The following WDR25 variants were observed in gnomAD, a reference collection of about 807,000 sequenced individuals.
WDR25 encodes the protein WD repeat domain 25, also known as WD repeat-containing protein 25.
A neutral mutation model predicts 47.7 loss-of-function variants in WDR25; 35 were observed. The observed-to-expected ratio is 0.73, with a 90% confidence interval of 0.56 to 0.97. The LOEUF (loss-of-function observed/expected upper bound fraction) is 0.97. Ranked by LOEUF, WDR25 falls within the 50% of genes least tolerant of loss-of-function variation. WDR25 has a pLI of 0.00. For missense variants in WDR25, 634 were observed against 704.7 expected (o/e 0.90, Z 1.14); for synonymous variants, 248 against 278.9 (o/e 0.89, Z 1.10).
chr14:100,468,003 G>A lies in WDR25; in HGVS notation c.823-18G>A. 2 of 1,611,962 alleles carry A rather than the reference G, an allele frequency of 1.2e-6. No individual in the cohort carries two copies. Among genetic ancestry groups the A allele is most frequent in the South Asian group, 1.1e-5 (1 of 91,022 alleles). ...GGCCCTTGTTGTGACACCTGGTGCT[G>A]TCTGTGTTTGCCTGCAGGTATGGAA... On this transcript the variant is annotated intron_variant, in intron 2 of 6. Transcript: ENST00000402312. This position sits in a 1 kb window ranked among gnomAD's most constrained non-coding sequence, Gnocchi z 4.5.
At chr14:100,485,424 C>T (rs1158795886) in intron 4 of WDR25, among the ~76,000 whole-genome samples, 1 of 152,186 alleles carries the variant, frequency 6.6e-6, no homozygotes, top group Non-Finnish European at 1.5e-5. Context: ...AAAACAGTGC[C>T]TGGCACATAG....
At position 100,508,832 on chromosome 14, in the gene WDR25, T is replaced by A. The variant is rs535851153; in HGVS notation, c.1102-17038T>A. Among the ~76,000 whole-genome samples, 5 of 152,288 alleles carry A rather than the reference T, an allele frequency of 3.3e-5. No homozygotes were observed. The South Asian group carries it at 1.0e-3, about 32-fold the overall frequency. On this transcript the variant is annotated intron_variant, in intron 4 of 6. Transcript: ENST00000402312. ...TAAAAATCATATATTGGTGTTGAAT[T>A]TTGTCAAAAATGATTTTACTACATC...
chr14:100,474,295 T>C (rs888260287), intron 3 of WDR25, among the ~76,000 whole-genome samples: 2 of 152,228 alleles, frequency 1.3e-5, no homozygotes, highest in Non-Finnish European at 2.9e-5. Flanking sequence ...TCAAATGTTA[T>C]TAAACTTCAT....
chr14:100,409,721 T>G (rs1897651448), intron 2 of WDR25, among the ~76,000 whole-genome samples: 1 of 152,256 alleles, frequency 6.6e-6, no homozygotes, highest in Non-Finnish European at 1.5e-5. Flanking sequence ...ATAGCAAACC[T>G]GCACTTGGCC....
rs567688152 is a variant in WDR25 at position 100,502,978 on chromosome 14, G to A, written c.1101+18854G>A. Among the ~76,000 whole-genome samples the A allele has an allele frequency of 2.0e-4, 30 of 151,832 alleles. No homozygotes were observed. The highest frequency in any genetic ancestry group is 3.9e-4 in the Admixed American group (6 of 15,254). On this transcript the variant is annotated intron_variant, in intron 4 of 6. Transcript: ENST00000402312. The surrounding 1 kb of genome is among the most constrained non-coding windows in gnomAD (Gnocchi z 4.5). ...GAGTGTGTGTGTCTGTATGTGTGTCGGTGCATGTGTGTGTGTCCATCCATG... is the reference window on the plus strand; with the variant it reads ...GAGTGTGTGTGTCTGTATGTGTGTCAGTGCATGTGTGTGTGTCCATCCATG...
chr14:100,469,320 A>G (rs1432355078), intron 3 of WDR25, among the ~76,000 whole-genome samples: 1 of 152,204 alleles, frequency 6.6e-6, no homozygotes, highest in Non-Finnish European at 1.5e-5. Flanking sequence ...AGCTCCTTGC[A>G]TGCTCAGTAG....
At chr14:100,419,900 G>A (rs1897977555) in intron 2 of WDR25, among the ~76,000 whole-genome samples, 1 of 152,322 alleles carries the variant, frequency 6.6e-6, no homozygotes. Context: ...TGAAATTAAT[G>A]GGAAATTGTC....
At chr14:100,399,490 C>T (rs557045793) in intron 2 of WDR25, among the ~76,000 whole-genome samples, 29 of 152,088 alleles carry the variant, frequency 1.9e-4, no homozygotes, top group South Asian at 4.2e-4. Flanking sequence ...GTCCTGTCTC[C>T]GCCTGCCTTT....
chr14:100,385,100 T>C (rs975914948), intron 2 of WDR25, among the ~76,000 whole-genome samples: 2 of 152,202 alleles, frequency 1.3e-5, no homozygotes, highest in African/African-American at 4.8e-5. Context: ...TTCCTTGACT[T>C]GTGCTCATGT....
intron 2 of WDR25, among the ~76,000 whole-genome samples, chr14:100,383,183 C>T (rs1430026079): frequency 6.6e-6 from 1 of 152,196 alleles, no homozygotes; most frequent in Non-Finnish European, 1.5e-5. Context: ...TCTAGCAAGA[C>T]TCAGAGTCCT....
In WDR25 at chr14:100,489,717, T is replaced by C. The variant is rs563087182; in HGVS notation, c.1101+5593T>C. 4.6e-5 allele frequency among the ~76,000 whole-genome samples: 7 copies of C among 152,266 alleles called. No homozygotes were observed. The South Asian group carries it at 1.5e-3, about 32-fold the overall frequency. Reference sequence around the variant, plus strand: ...CTCTCTTTCTATGTGCAGGGTGACATTGGGCAGGCTAGGGGTCGAGTGGTT... The same window carrying C: ...CTCTCTTTCTATGTGCAGGGTGACACTGGGCAGGCTAGGGGTCGAGTGGTT... On this transcript the variant is annotated intron_variant, in intron 4 of 6. Transcript: ENST00000402312.
At chr14:100,458,188 G>T (rs1466168286) in intron 2 of WDR25, among the ~76,000 whole-genome samples, 1 of 152,020 alleles carries the variant, frequency 6.6e-6, no homozygotes, top group Non-Finnish European at 1.5e-5. Context: ...AATATAAAGG[G>T]ATAGAAAAAG....
chr14:100,483,675 G>A (rs538823428), intron 3 of WDR25, among the ~76,000 whole-genome samples: 134 of 152,280 alleles, frequency 8.8e-4, no homozygotes, highest in Middle Eastern at 3.4e-3. Flanking sequence ...GCATAGGGTC[G>A]TTGCATGGTT....
At chr14:100,441,198 A>C (rs1171648365) in intron 2 of WDR25, among the ~76,000 whole-genome samples, 1 of 152,160 alleles carries the variant, frequency 6.6e-6, no homozygotes, top group African/African-American at 2.4e-5. Context: ...CTGTTCATTT[A>C]CCACACAGTC....
At chr14:100,478,672 A>G (rs2140311776) in intron 3 of WDR25, among the ~76,000 whole-genome samples, 1 of 152,364 alleles carries the variant, frequency 6.6e-6, no homozygotes, top group African/African-American at 2.4e-5. Flanking sequence ...AATACTTAAA[A>G]GACAGATTTT....
At chr14:100,405,697 G>A (rs1238439712) in intron 2 of WDR25, among the ~76,000 whole-genome samples, 1 of 152,252 alleles carries the variant, frequency 6.6e-6, no homozygotes, top group Non-Finnish European at 1.5e-5. Flanking sequence ...GTGGCCTGCA[G>A]GGCCTAGCTC....
At position 100,442,979 on chromosome 14, in the gene WDR25, C is replaced by T. The variant is rs531703195; in HGVS notation, c.823-25042C>T. Among the ~76,000 whole-genome samples the T allele has an allele frequency of 5.3e-5, 8 of 152,330 alleles. No individual in the cohort carries two copies. The South Asian group carries it at 8.3e-4, about 16-fold the overall frequency. ...GTTATTTAATTTGAAGTCACAGGCCCGCTGACTGGTTCCCCACCCAGACCT... is the reference window on the plus strand; with the variant it reads ...GTTATTTAATTTGAAGTCACAGGCCTGCTGACTGGTTCCCCACCCAGACCT... On this transcript the variant is annotated intron_variant, in intron 2 of 6. Transcript: ENST00000402312.
chr14:100,384,476 G>C (rs1896975099), intron 2 of WDR25, among the ~76,000 whole-genome samples: 1 of 152,238 alleles, frequency 6.6e-6, no homozygotes, highest in African/African-American at 2.4e-5. Context: ...TGAGGCCTCA[G>C]GCTTGCTGGG....
At chr14:100,494,099 C>T (rs1263281745) in intron 4 of WDR25, among the ~76,000 whole-genome samples, 1 of 152,220 alleles carries the variant, frequency 6.6e-6, no homozygotes, top group Admixed American at 6.5e-5. Context: ...CACACTCTCT[C>T]CCAGGCTGGA....
Sources: gnomAD v4.1 joint callset for allele counts (sites outside exome capture counted in the v4.1 genomes callset) on GRCh38, gnomAD v4.1.1 for gene constraint, Gnocchi (gnomAD v3.1) non-coding constraint, MANE v1.5 for transcripts, NCBI Gene and HGNC (gene_info 2026-07-23, HGNC 2026-07-21) for gene names.